The following TM7SF3 variants were observed in gnomAD, a reference collection of about 807,000 sequenced individuals.
TM7SF3 encodes transmembrane 7 superfamily member 3.
A neutral mutation model predicts 65.5 loss-of-function variants in TM7SF3; 60 were observed. The ratio of observed to expected loss-of-function variants is 0.92; its 90% CI spans 0.74 to 1.14. The LOEUF (loss-of-function observed/expected upper bound fraction) is 1.14. Ranked by LOEUF, TM7SF3 falls within the 50% of genes most tolerant of loss-of-function variation. The pLI is 0.00. For missense variants in TM7SF3, 623 were observed against 684.8 expected, an observed-to-expected ratio of 0.91 and a Z score of 1.01; for synonymous variants, 264 against 259.6, an observed-to-expected ratio of 1.02 and a Z score of -0.16.
At chr12:26,989,190 C>T (rs990809203) in intron 6 of TM7SF3, among the ~76,000 whole-genome samples, 2 of 152,174 alleles carry the variant, frequency 1.3e-5, no homozygotes, top group Non-Finnish European at 2.9e-5. Context: ...AATCCCAGCA[C>T]TTTGGGAGGC....
intron 6 of TM7SF3, chr12:26,983,476 CT>C: frequency 2.4e-6 from 1 of 423,458 alleles, no homozygotes; most frequent in South Asian, 1.7e-5. Flanking sequence ...AAGTGCTTAT[CT>C]TTAAGGTATA....
chr12:27,011,343 A>C (rs1216731734), intron 1 of TM7SF3, among the ~76,000 whole-genome samples: 1 of 152,236 alleles, frequency 6.6e-6, no homozygotes, highest in Non-Finnish European at 1.5e-5. Flanking sequence ...GAATCTAAAC[A>C]AATGAAAGAT....
At chr12:27,004,668 A>C (rs564123559) in intron 1 of TM7SF3, among the ~76,000 whole-genome samples, 12 of 152,198 alleles carry the variant, frequency 7.9e-5, no homozygotes, top group Admixed American at 3.9e-4. Flanking sequence ...ACAGCCAAAA[A>C]AAAGACACAA....
intron 9 of TM7SF3, among the ~76,000 whole-genome samples, chr12:26,977,121 T>C (rs1939600814): frequency 6.6e-6 from 1 of 152,180 alleles, no homozygotes; most frequent in Non-Finnish European, 1.5e-5. Flanking sequence ...AAGACCTACA[T>C]ATCCAGGTCA....
At chr12:26,980,261 A>G in intron 8 of TM7SF3, 1 of 526,356 alleles carries the variant, frequency 1.9e-6, no homozygotes, top group South Asian at 2.5e-5. Flanking sequence ...CAGGTAAAGA[A>G]AACCTCAACA....
intron 1 of TM7SF3, among the ~76,000 whole-genome samples, chr12:27,009,961 A>C (rs1941184762): frequency 6.6e-6 from 1 of 152,090 alleles, no homozygotes; most frequent in Non-Finnish European, 1.5e-5. Flanking sequence ...CTTTAACCAA[A>C]CCAGTTGTGG....
At chr12:26,983,723 C>T (rs577601661) in intron 6 of TM7SF3, 2 of 300,754 alleles carry the variant, frequency 6.6e-6, no homozygotes, top group Non-Finnish European at 1.4e-5. Flanking sequence ...ATGTATTACA[C>T]TTATAAGTTA....
chr12:26,984,452 A>AC lies in TM7SF3; in HGVS notation c.869-1594_869-1593insG, dbSNP rs1555215861. 1.7e-3 allele frequency among the ~76,000 whole-genome samples: 253 copies of AC among 146,424 alleles called. 1 individual carries two copies. The highest frequency in any genetic ancestry group is 6.5e-3 in the African/African-American group (238 of 36,532). On this transcript the variant is annotated intron_variant, in intron 6 of 11. Transcript: ENST00000343028. ...CTCAAAAACAAAAAACGAAAAACAA[A>AC]AAAAAAAAACCCAGAAAGATTAAAC...
intron 4 of TM7SF3, among the ~76,000 whole-genome samples, 175 bp from the exon 5 acceptor site, chr12:26,995,583 T>C (rs1368330270): frequency 6.6e-6 from 1 of 152,236 alleles, no homozygotes; most frequent in Non-Finnish European, 1.5e-5. Flanking sequence ...TGTTATGGAC[T>C]GAATGTTTGT....
At position 26,973,730 on chromosome 12, in the gene TM7SF3, A is replaced by G; in HGVS notation, c.*235T>C. On this transcript the variant is annotated 3_prime_UTR_variant, in exon 12 of 12. Coordinates refer to ENST00000343028, the MANE Select transcript of TM7SF3 (RefSeq NM_016551.3). Reference sequence around the variant, plus strand: ...TAAACCAAAAGGTAATTTCTCAAGTATTTGGAAATAAGAAAAAGCCTCCCT... The same window carrying G: ...TAAACCAAAAGGTAATTTCTCAAGTGTTTGGAAATAAGAAAAAGCCTCCCT... 2.3e-6 allele frequency: 1 copy of G among 438,050 alleles called. No homozygotes were observed. Among genetic ancestry groups the G allele is most frequent in the Non-Finnish European group, 4.0e-6 (1 of 251,712 alleles). 27.1% of individuals were successfully genotyped at this position (438,050 alleles called of 1,614,324 possible). A position where few individuals can be genotyped will look rare whatever the true frequency, so the allele number is the denominator to read the frequency against.
chr12:26,979,395 G>C (rs1456012632), intron 9 of TM7SF3: 1 of 185,018 alleles, frequency 5.4e-6, no homozygotes, highest in East Asian at 1.4e-4. Context: ...AGGGACACCT[G>C]GGGTTTGGCA....
chr12:26,982,720 G>T, intron 7 of TM7SF3, 53 bp downstream of exon 7: 1 of 1,296,468 alleles, frequency 7.7e-7, no homozygotes, highest in Non-Finnish European at 1.1e-6. Context: ...TCATTCCCCA[G>T]CAACACTGAA....
chr12:27,000,810 C>T (rs1430149174), intron 2 of TM7SF3, among the ~76,000 whole-genome samples: 1 of 152,060 alleles, frequency 6.6e-6, no homozygotes, highest in Non-Finnish European at 1.5e-5. Context: ...AAACCATTAC[C>T]ACAATCAAAA....
At position 27,014,205 on chromosome 12, in the gene TM7SF3, G is replaced by A. The variant is rs1489967232; in HGVS notation, c.-37C>T. On this transcript the variant is annotated 5_prime_UTR_variant, in exon 1 of 12. Coordinates refer to ENST00000343028, the MANE Select transcript of TM7SF3 (RefSeq NM_016551.3). ...CCGGGCTGGGCCCACGCCAGGGCTG[G>A]GGAGAGGTGCGGGCGTGCGCGCCGG... 2 of 1,546,274 alleles carry A rather than the reference G, an allele frequency of 1.3e-6. No individual in the cohort carries two copies. The highest frequency in any genetic ancestry group is 1.7e-6 in the Non-Finnish European group (2 of 1,143,578).
intron 2 of TM7SF3, among the ~76,000 whole-genome samples, chr12:27,001,609 C>T (rs1388658): frequency 0.54 from 81,423 of 151,966 alleles, 22,009 homozygotes; most frequent in East Asian, 0.8. Flanking sequence ...CAAATATAAA[C>T]CCTTATTTCA....
intron 1 of TM7SF3, chr12:27,012,889 T>A (rs1037609559): frequency 1.1e-5 from 4 of 360,376 alleles, no homozygotes; most frequent in African/African-American, 8.7e-5. Flanking sequence ...TCCCAGCTAC[T>A]CTGGAGGCTG....
At position 26,982,498 on chromosome 12, in the gene TM7SF3, C is replaced by T. The variant is rs145810053; in HGVS notation, c.955+275G>A. ...GGCCCTGACAACCAATGTCTAATCTCGGTTATCTTTAGTCAACTAACAGAT... is the reference window on the plus strand; with the variant it reads ...GGCCCTGACAACCAATGTCTAATCTTGGTTATCTTTAGTCAACTAACAGAT... On this transcript the variant is annotated intron_variant, in intron 7 of 11. Transcript: ENST00000343028. 7.4e-4 allele frequency among the ~76,000 whole-genome samples: 113 copies of T among 152,278 alleles called. 1 individual carries two copies. The East Asian group carries it at 0.017, about 23-fold the overall frequency.
At position 27,014,305 on chromosome 12, in the gene TM7SF3, G is replaced by T. The variant is rs933481236; in HGVS notation, c.-137C>A. 1.7e-6 allele frequency: 1 copy of T among 584,096 alleles called. No homozygotes were observed. Among genetic ancestry groups the T allele is most frequent in the Non-Finnish European group, 2.7e-6 (1 of 376,466 alleles). 36.2% of individuals were successfully genotyped at this position (584,096 alleles called of 1,614,324 possible). ...ATCGCCCGCCAGGTGCAGACGCTTC[G>T]CACCTGCCAGCTCCGCAGCCGCCGG... On this transcript the variant is annotated 5_prime_UTR_variant, in exon 1 of 12. Transcript: ENST00000343028.
intron 5 of TM7SF3, among the ~76,000 whole-genome samples, chr12:26,992,906 T>TTC (rs75123475): frequency 1.8e-5 from 1 of 55,192 alleles, no homozygotes; most frequent in Non-Finnish European, 3.9e-5. Flanking sequence ...CCCTAATGTC[T>TTC]TTTTTTTTTT....
Sources: allele counts gnomAD v4.1 joint callset (sites outside exome capture counted in the v4.1 genomes callset), GRCh38; gene constraint gnomAD v4.1.1; transcripts MANE v1.5; gene names NCBI Gene and HGNC (gene_info 2026-07-23, HGNC 2026-07-21).